The following MVK variants were observed in gnomAD, a reference collection of about 807,000 sequenced individuals.
MVK encodes the protein LH receptor mRNA-binding protein.
Under a neutral mutation model 43.2 loss-of-function variants are expected in MVK, and 34 were observed. That is an observed-to-expected ratio of 0.79 (90% CI 0.60 to 1.05). The LOEUF (loss-of-function observed/expected upper bound fraction) is 1.05, where lower values mean the gene tolerates loss of function less well. Ranked by LOEUF, MVK falls within the 50% of genes least tolerant of loss-of-function variation. The pLI, the probability that MVK is intolerant of heterozygous loss-of-function variation, is 0.00. For synonymous variants in MVK, 190 were observed against 219.8 expected (o/e 0.86, Z 1.20); for missense variants, 395 against 504.0 (o/e 0.78, Z 2.07).
chr12:109,575,879 T>G, intron 2 of MVK, 119 bp from the exon 3 acceptor site: 1 of 1,210,852 alleles, frequency 8.3e-7, no homozygotes, highest in South Asian at 1.2e-5. Flanking sequence ...TAGCAGTGTC[T>G]GGCAAGGGCA....
rs576356502 is a variant in MVK at position 109,575,041 on chromosome 12, G to T, written c.78+141G>T. On this transcript the variant is annotated intron_variant, in intron 2 of 10. Coordinates refer to ENST00000228510, the MANE Select transcript of MVK (RefSeq NM_000431.4). ...GTTCTCCCCAGCCAGGCAAGGAAAA[G>T]ATTTCTTATGCCCACTGAAGGGATT... The T allele has an allele frequency of 4.3e-4, 351 of 813,342 alleles. No homozygotes were observed. In the African/African-American group the frequency reaches 5.5e-3, roughly 13 times the overall value. 50.4% of individuals were successfully genotyped at this position (813,342 alleles called of 1,614,324 possible).
intron 9 of MVK, 122 bp from the exon 10 acceptor site, chr12:109,594,906 A>T: frequency 1.7e-6 from 2 of 1,195,984 alleles, no homozygotes; most frequent in Non-Finnish European, 2.4e-6. Context: ...GGTGCCAGGT[A>T]GGCAAAGCCG....
At chr12:109,587,058 G>C in intron 7 of MVK, 1 of 513,256 alleles carries the variant, frequency 1.9e-6, no homozygotes, top group South Asian at 2.1e-5. Context: ...TAGACTCTCA[G>C]CTGCTCATTC....
upstream of MVK, chr12:109,573,726 T>A: frequency 1.7e-6 from 1 of 573,100 alleles, no homozygotes; most frequent in Non-Finnish European, 3.1e-6. Context: ...TTGGTAAAGG[T>A]ACTCCGGGCT....
At chr12:109,591,092 A>T (rs983436752) in intron 8 of MVK, 149 bp from the exon 9 acceptor site, 3 of 942,096 alleles carry the variant, frequency 3.2e-6, no homozygotes, top group Non-Finnish European at 5.0e-6. Flanking sequence ...CTGGGAAGGC[A>T]AAAAAACAGG....
intron 3 of MVK, 91 bp downstream of exon 3, chr12:109,576,236 G>A: frequency 6.5e-7 from 1 of 1,541,730 alleles, no homozygotes; most frequent in Non-Finnish European, 8.9e-7. Flanking sequence ...GGGAGCCAGG[G>A]GCCAGCTATT....
chr12:109,584,045 A>G (rs1230644822), intron 5 of MVK, among the ~76,000 whole-genome samples: 1 of 152,240 alleles, frequency 6.6e-6, no homozygotes, highest in Non-Finnish European at 1.5e-5. Flanking sequence ...AGCAGTGAGT[A>G]GCACTGTGAT....
At chr12:109,591,693 C>T (rs72648032) in intron 9 of MVK, among the ~76,000 whole-genome samples, 1 of 152,342 alleles carries the variant, frequency 6.6e-6, no homozygotes, top group Non-Finnish European at 1.5e-5. Context: ...GCAGAGTGCT[C>T]TGTCGGTGCA....
chr12:109,573,437 C>T (rs367711757), upstream of MVK: 60 of 1,607,008 alleles, frequency 3.7e-5, no homozygotes, highest in Non-Finnish European at 4.5e-5. Context: ...CAGGCCAAGA[C>T]GGCTCCCCAG....
chr12:109,576,080 C>G lies in MVK; in HGVS notation c.161C>G (p.Pro54Arg). ...HSNGKVDLSLPNIGIKRAWDV... is the reference protein window; with the variant it reads ...HSNGKVDLSLRNIGIKRAWDV... ...AATGGGAAAGTGGACCTCAGCTTAC[C>G]CAACATTGGTATCAAGCGGGCCTGG... is the stretch of plus-strand genomic sequence containing the variant. The change falls in exon 3 of 11, where the codon CCC (proline) becomes CGC (arginine). Residue 54 changes from proline to arginine, a missense_variant. Transcript: ENST00000228510. 1 of 1,614,150 alleles carries G rather than the reference C, an allele frequency of 6.2e-7. No individual in the cohort carries two copies. Among genetic ancestry groups the G allele is most frequent in the East Asian group, 2.2e-5 (1 of 44,878 alleles).
chr12:109,592,213 T>TCA (rs1566151340), intron 9 of MVK, among the ~76,000 whole-genome samples: 1 of 152,262 alleles, frequency 6.6e-6, no homozygotes, highest in African/African-American at 2.4e-5. Context: ...AGACCTTGTC[T>TCA]CACACACACA....
intron 4 of MVK, 122 bp from the exon 5 acceptor site, chr12:109,581,273 C>A: frequency 2.3e-6 from 3 of 1,277,416 alleles, no homozygotes; most frequent in Non-Finnish European, 3.4e-6. Flanking sequence ...GTCAGGAATT[C>A]TCCCCCAGTT....
At chr12:109,574,301 T>C (rs1250405620) in intron 1 of MVK, among the ~76,000 whole-genome samples, 1 of 152,216 alleles carries the variant, frequency 6.6e-6, no homozygotes, top group African/African-American at 2.4e-5. Flanking sequence ...TTGTTTATAA[T>C]TGTGACACAT....
At chr12:109,577,889 T>C (rs944656732) in intron 3 of MVK, among the ~76,000 whole-genome samples, 2 of 152,174 alleles carry the variant, frequency 1.3e-5, no homozygotes, top group Non-Finnish European at 2.9e-5. Context: ...CTTTCCAAGG[T>C]GCACAGGGCC....
chr12:109,586,864 C>A, intron 7 of MVK, 65 bp downstream of exon 7: 1 of 1,596,860 alleles, frequency 6.3e-7, no homozygotes, highest in Non-Finnish European at 8.6e-7. Flanking sequence ...GGGCAGAGCT[C>A]TGCACCTTTG....
intron 8 of MVK, 103 bp downstream of exon 8, chr12:109,590,964 G>A (rs1009882862): frequency 8.0e-7 from 1 of 1,253,746 alleles, no homozygotes; most frequent in Middle Eastern, 1.9e-4. Context: ...AGGGGGTGTG[G>A]TGGGTGGTGG....
intron 8 of MVK, 66 bp downstream of exon 8, chr12:109,590,927 G>A (rs1566150479): frequency 3.6e-5 from 56 of 1,540,062 alleles, no homozygotes; most frequent in Middle Eastern, 1.7e-4. Flanking sequence ...CTGGATTTTC[G>A]AGGTCTCCCT....
intron 8 of MVK, 90 bp from the exon 9 acceptor site, chr12:109,591,151 C>T (rs1885657933): frequency 2.4e-6 from 3 of 1,267,230 alleles, no homozygotes. Context: ...GCTGTGTGAA[C>T]ACCTCCTCCC....
chr12:109,576,269 C>T (rs961929892), intron 3 of MVK, 124 bp downstream of exon 3: 5 of 1,231,032 alleles, frequency 4.1e-6, no homozygotes, highest in Non-Finnish European at 5.8e-6. Context: ...TCTACCCTGA[C>T]CTCATAAAAT....
Sources: allele counts gnomAD v4.1 joint callset (sites outside exome capture counted in the v4.1 genomes callset), GRCh38; gene constraint gnomAD v4.1.1; transcripts MANE v1.5; gene names NCBI Gene and HGNC (gene_info 2026-07-23, HGNC 2026-07-21).